Variants in ABHD2 observed in about 807,000 individuals in gnomAD.
ABHD2 encodes abhydrolase domain containing 2, acylglycerol lipase.
Under a neutral mutation model 48.1 loss-of-function variants are expected in ABHD2, and 20 were observed. The ratio of observed to expected loss-of-function variants is 0.42; its 90% CI spans 0.29 to 0.60. The LOEUF is 0.60. Among genes scored for constraint, ABHD2 ranks in the 20% least tolerant of loss-of-function variants. The pLI is 0.24. For missense variants in ABHD2, 405 were observed against 550.9 expected (o/e 0.74, Z 2.65); for synonymous variants, 209 against 214.2 (o/e 0.98, Z 0.21).
intron 5 of ABHD2, among the ~76,000 whole-genome samples, chr15:89,165,616 G>A (rs1420074822): frequency 2.6e-5 from 4 of 152,070 alleles, no homozygotes; most frequent in Admixed American, 6.6e-5. Context: ...AACTAATAGG[G>A]TACTCTACTG....
At position 89,185,284 on chromosome 15, in the gene ABHD2, C is replaced by A; in HGVS notation, c.723-140C>A. 1.6e-6 allele frequency: 1 copy of A among 628,934 alleles called. No homozygotes were observed. The highest frequency in any genetic ancestry group is 2.8e-6 in the Non-Finnish European group (1 of 355,302). The allele number at this position is 628,934 out of a possible 1,614,324, so 39.0% of individuals were successfully genotyped here. A position where few individuals can be genotyped will look rare whatever the true frequency, so the allele number is the denominator to read the frequency against. ...GGTGTTTGAGCTCTGCACATTAGAG[C>A]CTCTGTTTTAATGCAGAGGCCACAG... On this transcript the variant is annotated intron_variant, in intron 6 of 10. Coordinates refer to ENST00000352732, the MANE Select transcript of ABHD2 (RefSeq NM_152924.5). This position sits in a 1 kb window ranked among gnomAD's most constrained non-coding sequence, Gnocchi z 5.9.
intron 3 of ABHD2, among the ~76,000 whole-genome samples, chr15:89,123,302 C>T (rs923321936): frequency 6.6e-6 from 1 of 152,142 alleles, no homozygotes; most frequent in Non-Finnish European, 1.5e-5. Context: ...CCCTTTTTCT[C>T]TTCACTCACC....
rs1347131973 is a variant in ABHD2, at chr15:89,151,214, G to C, written c.195-463G>C. Among the ~76,000 whole-genome samples, 3 of 152,214 alleles carry C rather than the reference G, an allele frequency of 2.0e-5. No individual in the cohort carries two copies. The highest frequency in any genetic ancestry group is 6.5e-5 in the Admixed American group (1 of 15,282). On this transcript the variant is annotated intron_variant, in intron 3 of 10. Transcript: ENST00000352732. The surrounding 1 kb of genome is among the most constrained non-coding windows in gnomAD (Gnocchi z 4.7). Reference sequence around the variant, plus strand: ...GCACTAACTGAGAGTAGCAGGTTTGGCTAATGGAGTAACCACTACAGCTGT... The same window carrying C: ...GCACTAACTGAGAGTAGCAGGTTTGCCTAATGGAGTAACCACTACAGCTGT...
rs1406078774 is a variant in ABHD2, at chr15:89,195,672, C to T, written c.*249C>T. ...TGGTGACAAGTGACAGAGTTCTTGC[C>T]CTCTGTCCAGTTTCAGCATCTGGTT... On this transcript the variant is annotated 3_prime_UTR_variant, in exon 11 of 11. Coordinates refer to ENST00000352732, the MANE Select transcript of ABHD2 (RefSeq NM_152924.5). This position sits in a 1 kb window ranked among gnomAD's most constrained non-coding sequence, Gnocchi z 5.1. 2.3e-6 allele frequency: 1 copy of T among 429,798 alleles called. No individual in the cohort carries two copies. The highest frequency in any genetic ancestry group is 2.0e-5 in the African/African-American group (1 of 49,380). The allele number at this position is 429,798 out of a possible 1,614,324, so 26.6% of individuals were successfully genotyped here.
chr15:89,164,205 A>T lies in ABHD2; in HGVS notation c.538+8671A>T, dbSNP rs1292757794. Among the ~76,000 whole-genome samples the T allele has an allele frequency of 6.6e-6, 1 of 151,894 alleles. No homozygotes were observed. Among genetic ancestry groups the T allele is most frequent in the Non-Finnish European group, 1.5e-5 (1 of 67,968 alleles). ...TCAGGAAGATCCCAGTCTATGAGGA[A>T]CTCTCACCATCTAGTTGGGGAAGGA... On this transcript the variant is annotated intron_variant, in intron 5 of 10. Transcript: ENST00000352732. The surrounding 1 kb of genome is among the most constrained non-coding windows in gnomAD (Gnocchi z 5.0).
chr15:89,091,837 C>T lies in ABHD2; in HGVS notation c.-107+3274C>T, dbSNP rs1247230886. 1.3e-5 allele frequency among the ~76,000 whole-genome samples: 2 copies of T among 152,188 alleles called. No individual in the cohort carries two copies. Among genetic ancestry groups the T allele is most frequent in the Non-Finnish European group, 2.9e-5 (2 of 68,046 alleles). ...GTTTCAGAGTATAGATGATGTGGGG[C>T]ATGAGTTGCTTTAGCCTTTCTGTTT... is the stretch of plus-strand genomic sequence containing the variant. On this transcript the variant is annotated intron_variant, in intron 1 of 10. Coordinates refer to ENST00000352732, the MANE Select transcript of ABHD2 (RefSeq NM_152924.5). The surrounding 1 kb of genome is among the most constrained non-coding windows in gnomAD (Gnocchi z 5.5).
chr15:89,051,534 T>C, the ABHD2 span, among the ~76,000 whole-genome samples: 2 of 152,174 alleles, frequency 1.3e-5, no homozygotes, highest in Non-Finnish European at 2.9e-5. Flanking sequence ...GGTTTGGCTG[T>C]GCCCCCACCC....
chr15:89,044,444 G>A, the ABHD2 span, among the ~76,000 whole-genome samples: 1 of 152,036 alleles, frequency 6.6e-6, no homozygotes, highest in Non-Finnish European at 1.5e-5. Flanking sequence ...GGGTCAAATG[G>A]TATTTCTAGT....
rs529702053 is a variant in ABHD2 at position 89,169,588 on chromosome 15, G to A, written c.539-6224G>A. Among the ~76,000 whole-genome samples, 7 of 152,284 alleles carry A rather than the reference G, an allele frequency of 4.6e-5. No individual in the cohort carries two copies. The East Asian group carries it at 1.4e-3, about 29-fold the overall frequency. On this transcript the variant is annotated intron_variant, in intron 5 of 10. Coordinates refer to ENST00000352732, the MANE Select transcript of ABHD2 (RefSeq NM_152924.5). Reference sequence around the variant, plus strand: ...TGACAAAATTAGGCAGAAACCTTAGGAAGCGGTGGAGAAGTAAATATTTAA... The same window carrying A: ...TGACAAAATTAGGCAGAAACCTTAGAAAGCGGTGGAGAAGTAAATATTTAA...
intron 3 of ABHD2, among the ~76,000 whole-genome samples, chr15:89,134,031 G>A (rs1420282195): frequency 1.3e-5 from 2 of 151,938 alleles, no homozygotes; most frequent in Non-Finnish European, 2.9e-5. Context: ...GTAGAGACGG[G>A]GTTTCACCAT....
At chr15:89,064,190 T>G in the ABHD2 span, among the ~76,000 whole-genome samples, 61 of 151,750 alleles carry the variant, frequency 4.0e-4, no homozygotes, top group Admixed American at 5.9e-4. Context: ...TTTCCTTTCT[T>G]TGTATGTATT....
chr15:89,149,366 T>A (rs563358006), intron 3 of ABHD2, among the ~76,000 whole-genome samples: 23 of 152,354 alleles, frequency 1.5e-4, no homozygotes, highest in Non-Finnish European at 3.1e-4. Context: ...ATATTATTTT[T>A]AAATATATTT....
rs1012058105 is a variant in ABHD2 at position 89,137,788 on chromosome 15, A to C, written c.195-13889A>C. ...TATTAATGGGTGTTTGGGAAGCTGA[A>C]TATGTTGCTGCCATTTTGAGATGAA... On this transcript the variant is annotated intron_variant, in intron 3 of 10. Transcript: ENST00000352732. This position sits in a 1 kb window ranked among gnomAD's most constrained non-coding sequence, Gnocchi z 4.8. Among the ~76,000 whole-genome samples the C allele has an allele frequency of 2.0e-5, 3 of 152,224 alleles. No individual in the cohort carries two copies. The highest frequency in any genetic ancestry group is 7.2e-5 in the African/African-American group (3 of 41,466).
chr15:89,108,023 G>C (rs293387), intron 1 of ABHD2, among the ~76,000 whole-genome samples: 74,655 of 152,030 alleles, frequency 0.49, 19,803 homozygotes, highest in African/African-American at 0.68. Flanking sequence ...ATTATGTTAA[G>C]AAGTCATCTG....
At chr15:89,058,213 C>T in the ABHD2 span, among the ~76,000 whole-genome samples, 3 of 152,130 alleles carry the variant, frequency 2.0e-5, no homozygotes, top group African/African-American at 7.2e-5. Flanking sequence ...CACTTCTGGC[C>T]CCAGGTCCAC....
At chr15:89,073,111 T>C in the ABHD2 span, among the ~76,000 whole-genome samples, 3 of 152,208 alleles carry the variant, frequency 2.0e-5, no homozygotes, top group African/African-American at 2.4e-5. Flanking sequence ...GCAAGCCTAG[T>C]TGTGAGGAAA....
At position 89,155,043 on chromosome 15, in the gene ABHD2, A is replaced by G. The variant is rs1036658715; in HGVS notation, c.371-324A>G. On this transcript the variant is annotated intron_variant, in intron 4 of 10. Coordinates refer to ENST00000352732, the MANE Select transcript of ABHD2 (RefSeq NM_152924.5). The surrounding 1 kb of genome is among the most constrained non-coding windows in gnomAD (Gnocchi z 4.9). ...TATAGCAATGTGACAGAGTAATTTT[A>G]TATTTGTTGAATCTTATAGTAGAAA... is the stretch of plus-strand genomic sequence containing the variant. Among the ~76,000 whole-genome samples, 2 of 152,242 alleles carry G rather than the reference A, an allele frequency of 1.3e-5. No homozygotes were observed. The highest frequency in any genetic ancestry group is 4.8e-5 in the African/African-American group (2 of 41,466).
chr15:89,048,770 T>A, the ABHD2 span, among the ~76,000 whole-genome samples: 6 of 152,240 alleles, frequency 3.9e-5, no homozygotes, highest in East Asian at 1.2e-3. Context: ...AGCACTTCTC[T>A]GTATTAGTTA....
chr15:89,073,611 C>T, the ABHD2 span, among the ~76,000 whole-genome samples: 2 of 152,030 alleles, frequency 1.3e-5, no homozygotes, highest in African/African-American at 4.8e-5. Context: ...TGTGTTAATT[C>T]TGATCATTGG....
Sources: allele counts gnomAD v4.1 joint callset (sites outside exome capture counted in the v4.1 genomes callset), GRCh38; gene constraint gnomAD v4.1.1; non-coding constraint Gnocchi (gnomAD v3.1); transcripts MANE v1.5; gene names NCBI Gene and HGNC (gene_info 2026-07-23, HGNC 2026-07-21).